Variants in ASIC2 observed in about 807,000 individuals in gnomAD.
ASIC2 encodes acid sensing ion channel subunit 2.
In ASIC2, 25 loss-of-function variants were observed where a neutral mutation model predicts 57.3. The observed-to-expected ratio is 0.44, with a 90% CI of 0.32 to 0.61. ASIC2 has a LOEUF of 0.61. Among genes scored for constraint, ASIC2 ranks in the 20% least tolerant of loss-of-function variants. The pLI, the probability that ASIC2 is intolerant of heterozygous loss-of-function variation, is 0.06. For missense variants in ASIC2, 641 were observed against 738.1 expected (o/e 0.87, Z 1.52); for synonymous variants, 319 against 307.5 (o/e 1.04, Z -0.39).
chr17:34,105,093 T>C (rs570272057), intron 1 of ASIC2, among the ~76,000 whole-genome samples: 3 of 152,214 alleles, frequency 2.0e-5, no homozygotes, highest in South Asian at 2.1e-4. Flanking sequence ...TGAAATGTTT[T>C]GATTTAAAAA....
At chr17:33,035,280 A>G (rs2141911289) in intron 3 of ASIC2, among the ~76,000 whole-genome samples, 1 of 152,274 alleles carries the variant, frequency 6.6e-6, no homozygotes, top group African/African-American at 2.4e-5. Context: ...TTCTAATTCT[A>G]ACATTGGGGT....
intron 1 of ASIC2, among the ~76,000 whole-genome samples, chr17:33,854,120 G>A (rs1045968154): frequency 5.1e-4 from 77 of 152,178 alleles, no homozygotes; most frequent in African/African-American, 1.8e-3. Flanking sequence ...CCCAGTAAAC[G>A]TCTATTGTTT....
At chr17:34,024,594 G>C (rs1465812125) in intron 1 of ASIC2, among the ~76,000 whole-genome samples, 1 of 152,208 alleles carries the variant, frequency 6.6e-6, no homozygotes, top group African/African-American at 2.4e-5. Context: ...AGTGGAGAAA[G>C]AAACTCTTGC....
intron 1 of ASIC2, among the ~76,000 whole-genome samples, chr17:33,963,423 G>A (rs763009416): frequency 6.6e-6 from 1 of 152,036 alleles, no homozygotes; most frequent in African/African-American, 2.4e-5. Context: ...ATAATATGAA[G>A]CACAGAGAGA....
intron 1 of ASIC2, among the ~76,000 whole-genome samples, chr17:33,176,287 G>A (rs1363878077): frequency 1.3e-5 from 2 of 152,214 alleles, no homozygotes; most frequent in African/African-American, 4.8e-5. Context: ...GGCCAGGAGT[G>A]TATGTCATTT....
intron 1 of ASIC2, among the ~76,000 whole-genome samples, chr17:33,526,065 A>G (rs1018886262): frequency 6.6e-6 from 1 of 152,202 alleles, no homozygotes; most frequent in African/African-American, 2.4e-5. Context: ...TATGGTGACC[A>G]AAAAGTGTGA....
intron 1 of ASIC2, among the ~76,000 whole-genome samples, chr17:33,677,013 C>G (rs996462677): frequency 6.6e-6 from 1 of 152,202 alleles, no homozygotes; most frequent in African/African-American, 2.4e-5. Flanking sequence ...AGTACCCGCT[C>G]CTGCTTCCCC....
intron 1 of ASIC2, among the ~76,000 whole-genome samples, chr17:34,099,606 A>T (rs1043589386): frequency 2.7e-5 from 4 of 149,190 alleles, no homozygotes; most frequent in Non-Finnish European, 5.9e-5. Context: ...GAAAAAAGAG[A>T]GAAAGAGGAA....
At chr17:33,242,466 T>A (rs1044915315) in intron 1 of ASIC2, among the ~76,000 whole-genome samples, 7 of 152,198 alleles carry the variant, frequency 4.6e-5, no homozygotes, top group African/African-American at 1.7e-4. Flanking sequence ...CAACCCTGGA[T>A]AGAGGATATT....
At chr17:33,863,252 A>G (rs1216437281) in intron 1 of ASIC2, among the ~76,000 whole-genome samples, 1 of 152,256 alleles carries the variant, frequency 6.6e-6, no homozygotes, top group African/African-American at 2.4e-5. Flanking sequence ...TGGAGAGAAG[A>G]CTTTATCAGG....
intron 1 of ASIC2, chr17:34,051,877 AGAG>A (rs1908579572): frequency 6.7e-6 from 1 of 150,342 alleles, no homozygotes; most frequent in African/African-American, 2.5e-5. Context: ...AGAGAGAGCG[AGAG>A]AGCGAGAGAG....
At chr17:33,935,052 C>T (rs1368360326) in intron 1 of ASIC2, among the ~76,000 whole-genome samples, 1 of 152,238 alleles carries the variant, frequency 6.6e-6, no homozygotes, top group Non-Finnish European at 1.5e-5. Context: ...CTGTCCAGCA[C>T]CATCCCTGTG....
At chr17:33,339,608 G>A (rs140325050) in intron 1 of ASIC2, among the ~76,000 whole-genome samples, 209 of 152,248 alleles carry the variant, frequency 1.4e-3, no homozygotes, top group East Asian at 0.012. Context: ...GGCCCGGCAC[G>A]GTGTCTTGCC....
chr17:33,572,836 T>C (rs1162787193), intron 1 of ASIC2, among the ~76,000 whole-genome samples: 1 of 152,218 alleles, frequency 6.6e-6, no homozygotes, highest in African/African-American at 2.4e-5. Context: ...TAGCCTGGCC[T>C]GGCTGGAAGC....
Position 33,579,783 on chromosome 17 carries a change from A to T in ASIC2, c.556-467716T>A, listed in dbSNP as rs116477273. 6.6e-3 allele frequency among the ~76,000 whole-genome samples: 1,009 copies of T among 152,216 alleles called. 10 individuals are homozygous for T. Among genetic ancestry groups the T allele is most frequent in the African/African-American group, 0.023 (973 of 41,524 alleles). On this transcript the variant is annotated intron_variant, in intron 1 of 9. Transcript: ENST00000359872. ...ACTCATTCAGAAGAGCAAAAGAACA[A>T]ACTACCACACCGTGAAAAACACCCC... is the stretch of plus-strand genomic sequence containing the variant.
intron 1 of ASIC2, among the ~76,000 whole-genome samples, chr17:33,579,167 T>C (rs1430993870): frequency 1.3e-5 from 2 of 151,238 alleles, no homozygotes; most frequent in East Asian, 1.9e-4. Context: ...GCGCCTGTAA[T>C]CCCAGCTACT....
intron 1 of ASIC2, chr17:34,039,440 C>T: frequency 1.2e-6 from 2 of 1,613,726 alleles, no homozygotes; most frequent in Non-Finnish European, 1.7e-6. Flanking sequence ...GTTGGCAGAG[C>T]AGACTGCTCC....
chr17:33,103,677 T>C (rs2092223687), intron 2 of ASIC2, among the ~76,000 whole-genome samples: 1 of 152,144 alleles, frequency 6.6e-6, no homozygotes, highest in African/African-American at 2.4e-5. Context: ...CTTGAGCTTG[T>C]AGTCTCCAGG....
chr17:34,100,138 G>T (rs1282454582), intron 1 of ASIC2, among the ~76,000 whole-genome samples: 1 of 151,260 alleles, frequency 6.6e-6, no homozygotes, highest in African/African-American at 2.4e-5. Context: ...AAAGGGAGAA[G>T]CCATGTGTAA....
Sources: gnomAD v4.1 joint callset for allele counts (sites outside exome capture counted in the v4.1 genomes callset) on GRCh38, gnomAD v4.1.1 for gene constraint, MANE v1.5 for transcripts, NCBI Gene and HGNC (gene_info 2026-07-23, HGNC 2026-07-21) for gene names.